The following SOHLH2 variants were observed in gnomAD, a reference collection of about 807,000 sequenced individuals.
The protein encoded by SOHLH2 is spermatogenesis- and oogenesis-specific basic helix-loop-helix-containing protein 2.
Under a neutral mutation model 50.4 loss-of-function variants are expected in SOHLH2, and 22 were observed. That is an observed-to-expected ratio of 0.44 (90% CI 0.31 to 0.62). SOHLH2 has a LOEUF of 0.62. Ranked by LOEUF, SOHLH2 falls within the 20% of genes least tolerant of loss-of-function variation. SOHLH2 has a pLI of 0.08. For missense variants in SOHLH2, 412 were observed against 504.4 expected (o/e 0.82, Z 1.76); for synonymous variants, 185 against 187.3 (o/e 0.99, Z 0.10).
chr13:36,170,240 G>A (rs1230639479), intron 10 of SOHLH2, among the ~76,000 whole-genome samples: 1 of 152,148 alleles, frequency 6.6e-6, no homozygotes, highest in Non-Finnish European at 1.5e-5. Context: ...AGAAGCAGAG[G>A]GGTGGGCAAT....
intron 6 of SOHLH2, among the ~76,000 whole-genome samples, chr13:36,178,626 T>C (rs1887156061): frequency 6.6e-6 from 1 of 152,168 alleles, no homozygotes; most frequent in South Asian, 2.1e-4. Context: ...TGTAAAATCA[T>C]CTTGTCAATT....
At chr13:36,208,414 G>C (rs1361717822) in intron 1 of SOHLH2, among the ~76,000 whole-genome samples, 1 of 151,720 alleles carries the variant, frequency 6.6e-6, no homozygotes, top group Non-Finnish European at 1.5e-5. Context: ...CATTTATTTT[G>C]TTACTCAAAT....
At chr13:36,199,458 C>T (rs1350826901) in intron 2 of SOHLH2, among the ~76,000 whole-genome samples, 1 of 152,240 alleles carries the variant, frequency 6.6e-6, no homozygotes, top group Non-Finnish European at 1.5e-5. Flanking sequence ...GCAGATAACA[C>T]CTGCTGGTAG....
At chr13:36,198,931 C>T (rs2322895) in intron 2 of SOHLH2, among the ~76,000 whole-genome samples, 5,294 of 152,136 alleles carry the variant, frequency 0.035, 117 homozygotes, top group South Asian at 0.11. Context: ...GAGTAAGGTA[C>T]GTAGTTGTAC....
chr13:36,182,043 C>A (rs576454849), intron 6 of SOHLH2: 1 of 981,126 alleles, frequency 1.0e-6, no homozygotes, highest in Non-Finnish European at 1.2e-6. Flanking sequence ...TTTTAAAAAC[C>A]AATAGTATAT....
intron 6 of SOHLH2, among the ~76,000 whole-genome samples, chr13:36,183,637 A>G (rs1254414376): frequency 6.6e-6 from 1 of 152,208 alleles, no homozygotes; most frequent in Admixed American, 6.5e-5. Context: ...AACGAACAAC[A>G]GAGATTGTCA....
intron 5 of SOHLH2, among the ~76,000 whole-genome samples, chr13:36,190,947 C>T (rs143578696): frequency 6.6e-6 from 1 of 152,276 alleles, no homozygotes; most frequent in African/African-American, 2.4e-5. Flanking sequence ...TTGTTCAAAA[C>T]AGTAGATGGC....
At position 36,170,735 on chromosome 13, in the gene SOHLH2, G is replaced by A. The variant is rs763143704; in HGVS notation, c.1053C>T (p.His351=). 2 of 1,614,214 alleles carry A rather than the reference G, an allele frequency of 1.2e-6. No individual in the cohort carries two copies. The highest frequency in any genetic ancestry group is 1.1e-5 in the South Asian group (1 of 91,086). ...TCAGAGACAGCGCTGCACTGGAAAT[G>A]TGAGTTTTATATGGATCACCAATAG... The part of the protein sequence containing the change: ...ENAIGDPYKT[H]ISSAALSLNS... The change falls in exon 10 of 11, where the codon CAC becomes CAT. Residue 351 remains histidine, a synonymous_variant. Transcript: ENST00000379881.
chr13:36,212,491 G>A (rs546432745), intron 1 of SOHLH2, among the ~76,000 whole-genome samples: 14 of 152,154 alleles, frequency 9.2e-5, no homozygotes, highest in African/African-American at 2.9e-4. Context: ...GAACACAGGC[G>A]ATAAAAAAGA....
Position 36,170,734 on chromosome 13 carries a change from T to C in SOHLH2, c.1054A>G (p.Ile352Val). The C allele has an allele frequency of 6.2e-7, 1 of 1,614,176 alleles. No homozygotes were observed. Among genetic ancestry groups the C allele is most frequent in the Non-Finnish European group, 8.5e-7 (1 of 1,180,014 alleles). The stretch of plus-strand genomic sequence containing the variant: ...TTCAGAGACAGCGCTGCACTGGAAA[T>C]GTGAGTTTTATATGGATCACCAATA... The part of the protein sequence containing the change: ...NAIGDPYKTH[I>V]SSAALSLNSL... The change falls in exon 10 of 11, where the codon ATT becomes GTT. Residue 352 changes from isoleucine (I) to valine (V), a missense_variant. Ile to Val is a conservative substitution (Grantham distance 29, BLOSUM62 3). Coordinates refer to ENST00000379881, the MANE Select transcript of SOHLH2 (RefSeq NM_017826.3).
chr13:36,182,227 A>G (rs944327809), intron 6 of SOHLH2: 32 of 985,296 alleles, frequency 3.2e-5, no homozygotes, highest in Non-Finnish European at 4.8e-6. Context: ...GAATTTTTGC[A>G]ACTCAGACAA....
intron 1 of SOHLH2, among the ~76,000 whole-genome samples, chr13:36,213,481 T>C (rs1869239409): frequency 6.6e-6 from 1 of 152,130 alleles, no homozygotes; most frequent in African/African-American, 2.4e-5. Flanking sequence ...AAAAGATTGC[T>C]CTCTCCTATT....
chr13:36,197,951 C>T (rs958400988), intron 2 of SOHLH2, among the ~76,000 whole-genome samples: 3 of 151,988 alleles, frequency 2.0e-5, no homozygotes, highest in Admixed American at 6.6e-5. Flanking sequence ...TGTTTATTGT[C>T]GAATATTCAG....
At chr13:36,169,894 A>G (rs894778847) in intron 10 of SOHLH2, among the ~76,000 whole-genome samples, 9 of 151,784 alleles carry the variant, frequency 5.9e-5, no homozygotes, top group Non-Finnish European at 1.3e-4. Flanking sequence ...ATAGTGGGGC[A>G]CTCCTCCTAC....
intron 6 of SOHLH2, among the ~76,000 whole-genome samples, chr13:36,184,521 GCT>G (rs1887356184): frequency 7.2e-6 from 1 of 139,100 alleles, no homozygotes. Flanking sequence ...GTACAGTGGC[GCT>G]ATCTCGGCTC....
At chr13:36,202,199 T>C (rs1215125267) in intron 1 of SOHLH2, 106 bp from the exon 2 acceptor site, 7 of 1,372,592 alleles carry the variant, frequency 5.1e-6, no homozygotes, top group Non-Finnish European at 5.9e-6. Flanking sequence ...AACACAACAA[T>C]TGACTCCATA....
chr13:36,214,419 G>A lies in SOHLH2; in HGVS notation c.48+60C>T, dbSNP rs1869316041. On this transcript the variant is annotated intron_variant, in intron 1 of 10. Transcript: ENST00000379881. ...GGCTTTGAGGGCCGAGGGGACCACC[G>A]ACCTAGGGCCCGCCCGCGAGGTTAT... 4.4e-6 allele frequency: 7 copies of A among 1,577,340 alleles called. No individual in the cohort carries two copies. In the Admixed American group the frequency reaches 5.4e-5, roughly 12 times the overall value.
chr13:36,191,521 C>A (rs1361610095), intron 5 of SOHLH2, among the ~76,000 whole-genome samples: 1 of 152,180 alleles, frequency 6.6e-6, no homozygotes, highest in Non-Finnish European at 1.5e-5. Flanking sequence ...CGCTATTTAA[C>A]TTTGCTTAGT....
intron 6 of SOHLH2, chr13:36,182,080 G>A (rs1887272257): frequency 5.1e-6 from 5 of 983,982 alleles, no homozygotes; most frequent in Non-Finnish European, 6.0e-6. Flanking sequence ...TAGAGCAGCT[G>A]TATACTGCTA....
Sources: allele counts gnomAD v4.1 joint callset (sites outside exome capture counted in the v4.1 genomes callset), GRCh38; gene constraint gnomAD v4.1.1; transcripts MANE v1.5; gene names NCBI Gene and HGNC (gene_info 2026-07-23, HGNC 2026-07-21).